Variants in DLG2 observed in about 807,000 individuals in gnomAD.
DLG2 encodes disks large homolog 2.
In DLG2, 45 loss-of-function variants were observed where a neutral mutation model predicts 132.5. The ratio of observed to expected loss-of-function variants is 0.34; its 90% confidence interval spans 0.27 to 0.44. DLG2 has a LOEUF of 0.44. Ranked by LOEUF, DLG2 falls within the 20% of genes least tolerant of loss-of-function variation. The pLI is 1.00. For missense variants in DLG2, 1,045 were observed against 1,196.9 expected (o/e 0.87, Z 1.87); for synonymous variants, 424 against 419.6 (o/e 1.01, Z -0.13).
intron 21 of DLG2, among the ~76,000 whole-genome samples, chr11:83,504,005 T>A (rs1446820878): frequency 6.6e-6 from 1 of 152,184 alleles, no homozygotes; most frequent in East Asian, 1.9e-4. Flanking sequence ...CAAATACTAT[T>A]AAAGTTAACA....
rs77420858 is a variant in DLG2, at chr11:83,615,837, T to G, written c.1940+17374A>C. On this transcript the variant is annotated intron_variant, in intron 19 of 27. Transcript: ENST00000376104. ...AATTGAATTCAGCCAACAATTCAAA[T>G]AAACTTCCAGAAAGAAACACAGCCT... 3.6e-3 allele frequency among the ~76,000 whole-genome samples: 544 copies of G among 152,322 alleles called. 3 individuals are homozygous for G. The highest frequency in any genetic ancestry group is 0.013 in the African/African-American group (528 of 41,574).
chr11:84,466,469 C>A (rs2099094707), intron 7 of DLG2, among the ~76,000 whole-genome samples: 1 of 151,132 alleles, frequency 6.6e-6, no homozygotes, highest in Admixed American at 6.6e-5. Flanking sequence ...CCCAAGAGAA[C>A]AATGAGCAGA....
intron 8 of DLG2, among the ~76,000 whole-genome samples, chr11:84,212,445 T>C (rs1015778624): frequency 3.3e-5 from 5 of 152,232 alleles, no homozygotes; most frequent in African/African-American, 9.6e-5. Context: ...GAAAGAGCCA[T>C]GCAAATGAAT....
At chr11:84,702,802 C>G (rs1327725039) in intron 6 of DLG2, among the ~76,000 whole-genome samples, 1 of 151,640 alleles carries the variant, frequency 6.6e-6, no homozygotes. Context: ...TTCCACTATA[C>G]TATAAACTCC....
intron 3 of DLG2, among the ~76,000 whole-genome samples, chr11:85,351,131 T>C (rs1167655132): frequency 1.3e-5 from 2 of 152,208 alleles, no homozygotes; most frequent in Non-Finnish European, 2.9e-5. Context: ...TCACATCCCA[T>C]GTAAGTTGTA....
chr11:83,489,840 C>T (rs2093736662), intron 21 of DLG2, among the ~76,000 whole-genome samples: 2 of 151,856 alleles, frequency 1.3e-5, no homozygotes, highest in African/African-American at 4.8e-5. Context: ...AATGAGTAAA[C>T]ACATGGATGT....
intron 11 of DLG2, among the ~76,000 whole-genome samples, chr11:83,987,679 C>A (rs1467246052): frequency 6.6e-6 from 1 of 152,202 alleles, no homozygotes; most frequent in African/African-American, 2.4e-5. Flanking sequence ...TTCCTTACAC[C>A]TTATACAAAA....
At chr11:85,513,549 A>G (rs972524364) in intron 3 of DLG2, among the ~76,000 whole-genome samples, 7 of 151,990 alleles carry the variant, frequency 4.6e-5, no homozygotes, top group Admixed American at 3.9e-4. Context: ...CTTTTTATGT[A>G]ACGGTAGTAT....
intron 7 of DLG2, among the ~76,000 whole-genome samples, chr11:84,328,454 T>C (rs2098443623): frequency 1.3e-5 from 2 of 152,338 alleles, no homozygotes; most frequent in East Asian, 1.9e-4. Context: ...ACATTTCTTT[T>C]ACTCTGGGAC....
Position 84,547,994 on chromosome 11 carries a change from A to G in DLG2, c.358-13263T>C, listed in dbSNP as rs75097146. 9.9e-3 allele frequency among the ~76,000 whole-genome samples: 1,508 copies of G among 152,332 alleles called. 27 individuals carry two copies. The highest frequency in any genetic ancestry group is 0.033 in the African/African-American group (1,392 of 41,578). The stretch of plus-strand genomic sequence containing the variant: ...ACAGTAGTACCCTGTAAGATTTTCA[A>G]CAATAAAATCAAAAATTGGTTTATG... On this transcript the variant is annotated intron_variant, in intron 6 of 27. Transcript: ENST00000376104.
At chr11:85,420,532 T>A (rs183512864) in intron 3 of DLG2, among the ~76,000 whole-genome samples, 1 of 151,988 alleles carries the variant, frequency 6.6e-6, no homozygotes, top group East Asian at 1.9e-4. Flanking sequence ...TGAGCCCACA[T>A]CCCCCCTTCC....
At chr11:83,799,623 T>A (rs1481684724) in intron 17 of DLG2, among the ~76,000 whole-genome samples, 2 of 152,192 alleles carry the variant, frequency 1.3e-5, no homozygotes, top group African/African-American at 2.4e-5. Flanking sequence ...TTTACTGTGT[T>A]GAGCAGATTG....
chr11:84,438,480 AAAAAAT>A (rs1442342086), intron 7 of DLG2, among the ~76,000 whole-genome samples: 3 of 143,444 alleles, frequency 2.1e-5, no homozygotes, highest in African/African-American at 5.9e-5. Flanking sequence ...AATAAAAAAT[AAAAAAT>A]AAAAAAACCC....
chr11:83,931,637 T>C (rs2080243336), intron 14 of DLG2, among the ~76,000 whole-genome samples: 1 of 152,228 alleles, frequency 6.6e-6, no homozygotes, highest in Admixed American at 6.5e-5. Flanking sequence ...TTCTGAAAAT[T>C]ACAATAAATT....
At position 84,802,059 on chromosome 11, in the gene DLG2, T is replaced by G. The variant is rs369233452; in HGVS notation, c.358-267328A>C. On this transcript the variant is annotated intron_variant, in intron 6 of 27. Coordinates refer to ENST00000376104, the MANE Select transcript of DLG2 (RefSeq NM_001142699.3). ...TCTTTCCATAATTTAGGTGATCATT[T>G]AATGTTTTAGGGATTGGGAAGCACA... is the stretch of plus-strand genomic sequence containing the variant. 1.9e-4 allele frequency among the ~76,000 whole-genome samples: 29 copies of G among 151,714 alleles called. No individual in the cohort carries two copies. In the South Asian group the frequency reaches 5.2e-3, roughly 27 times the overall value.
chr11:84,859,265 A>C (rs942313340), intron 6 of DLG2, among the ~76,000 whole-genome samples: 1 of 149,672 alleles, frequency 6.7e-6, no homozygotes, highest in African/African-American at 2.4e-5. Context: ...ATATATATAC[A>C]TGTTTTATAT....
chr11:85,621,113 G>A (rs1281493259), intron 2 of DLG2, among the ~76,000 whole-genome samples: 1 of 151,850 alleles, frequency 6.6e-6, no homozygotes, highest in Non-Finnish European at 1.5e-5. Context: ...AATCTATTCT[G>A]TCCATGCTCT....
At chr11:85,515,889 G>A (rs1393853642) in intron 3 of DLG2, among the ~76,000 whole-genome samples, 2 of 151,950 alleles carry the variant, frequency 1.3e-5, no homozygotes, top group Non-Finnish European at 2.9e-5. Context: ...TATAGTTCAA[G>A]TCTAACAGAA....
chr11:85,548,780 T>C (rs2076484377), intron 3 of DLG2, among the ~76,000 whole-genome samples: 1 of 152,100 alleles, frequency 6.6e-6, no homozygotes, highest in Non-Finnish European at 1.5e-5. Context: ...AGTGTCTTTG[T>C]TTATACTGTG....
Sources: gnomAD v4.1 joint callset for allele counts (sites outside exome capture counted in the v4.1 genomes callset) on GRCh38, gnomAD v4.1.1 for gene constraint, MANE v1.5 for transcripts, NCBI Gene and HGNC (gene_info 2026-07-23, HGNC 2026-07-21) for gene names.